ARHGAP21: variants seen among roughly 807,000 people sequenced by gnomAD.
ARHGAP21 encodes the protein rho GTPase-activating protein 21.
Under a neutral mutation model 164.6 loss-of-function variants are expected in ARHGAP21, and 38 were observed. That is an observed-to-expected ratio of 0.23 (90% CI 0.18 to 0.30). The LOEUF is 0.30. Ranked by LOEUF, ARHGAP21 falls within the 10% of genes least tolerant of loss-of-function variation. ARHGAP21 has a pLI of 1.00. For synonymous variants in ARHGAP21, 766 were observed against 857.9 expected, an observed-to-expected ratio of 0.89 and a Z score of 1.87; for missense variants, 1,822 against 2,370.7, an observed-to-expected ratio of 0.77 and a Z score of 4.81.
At chr10:24,703,387 T>G (rs1018056216) in intron 2 of ARHGAP21, among the ~76,000 whole-genome samples, 1 of 152,176 alleles carries the variant, frequency 6.6e-6, no homozygotes, top group African/African-American at 2.4e-5. Flanking sequence ...ACGCCAGCAC[T>G]ATGTTAAATG....
chr10:24,673,078 A>G (rs563179498), intron 2 of ARHGAP21, among the ~76,000 whole-genome samples: 1 of 152,374 alleles, frequency 6.6e-6, no homozygotes, highest in African/African-American at 2.4e-5. Context: ...TACCATGTTC[A>G]TGATTTAGAA....
intron 4 of ARHGAP21, among the ~76,000 whole-genome samples, chr10:24,656,230 G>A (rs1370987144): frequency 4.7e-5 from 6 of 126,884 alleles, no homozygotes; most frequent in East Asian, 2.5e-4. Context: ...TCATCCCCCC[G>A]CCCGGCCAGC....
chr10:24,670,309 A>C lies in ARHGAP21; in HGVS notation c.152T>G (p.Val51Gly). The change falls in exon 3 of 26, where the codon GTT becomes GGT. Residue 51 changes from valine (V) to glycine (G), a missense_variant. By Grantham distance (109) the Val-to-Gly change is moderately radical. Coordinates refer to ENST00000396432, the MANE Select transcript of ARHGAP21 (RefSeq NM_020824.4). ...ETFSWPGPKT[V>G]TLKRTSQGFG... is the part of the protein sequence containing the mutation. ...GCCTTGAGATGTTCTTTTCAACGTA[A>C]CTGTTTTGGGACCTGGCCAGGAGAA... The C allele has an allele frequency of 6.2e-7, 1 of 1,610,516 alleles. No homozygotes were observed. The highest frequency in any genetic ancestry group is 8.5e-7 in the Non-Finnish European group (1 of 1,177,930).
chr10:24,695,734 C>T (rs1843120158), intron 2 of ARHGAP21, among the ~76,000 whole-genome samples: 2 of 152,058 alleles, frequency 1.3e-5, no homozygotes, highest in African/African-American at 4.8e-5. Context: ...TGGAGAGACC[C>T]ATATGTCAAG....
chr10:24,597,136 A>T (rs1410298518), intron 16 of ARHGAP21, among the ~76,000 whole-genome samples: 1 of 151,726 alleles, frequency 6.6e-6, no homozygotes, highest in African/African-American at 2.4e-5. Flanking sequence ...TTATAGTGAG[A>T]CTTCAACAAA....
intron 4 of ARHGAP21, among the ~76,000 whole-genome samples, chr10:24,665,702 C>T (rs1325152626): frequency 6.6e-6 from 1 of 152,150 alleles, no homozygotes. Context: ...GTTATACAGT[C>T]ATCAAAACTT....
chr10:24,677,392 A>G (rs978704292), intron 2 of ARHGAP21, among the ~76,000 whole-genome samples: 2 of 152,226 alleles, frequency 1.3e-5, no homozygotes, highest in Non-Finnish European at 2.9e-5. Context: ...ATTGGAAAAA[A>G]CTGGGCTAGC....
chr10:24,598,866 A>C (rs905547326), intron 14 of ARHGAP21, among the ~76,000 whole-genome samples: 1 of 152,232 alleles, frequency 6.6e-6, no homozygotes, highest in Non-Finnish European at 1.5e-5. Context: ...CCTGATGCTT[A>C]AGTCACTGTG....
intron 9 of ARHGAP21, among the ~76,000 whole-genome samples, chr10:24,614,394 C>T (rs1390973162): frequency 6.6e-6 from 1 of 152,066 alleles, no homozygotes; most frequent in East Asian, 1.9e-4. Context: ...ATAAACCAGG[C>T]ATTTGTTAGG....
intron 6 of ARHGAP21, among the ~76,000 whole-genome samples, chr10:24,633,047 C>A (rs1001461394): frequency 3.9e-5 from 6 of 152,112 alleles, no homozygotes; most frequent in African/African-American, 7.2e-5. Flanking sequence ...AAGTAACATA[C>A]CCCTGTAAGA....
rs1308639194 is a variant in ARHGAP21, at chr10:24,655,279, T to A, written c.268+11706A>T. 2.6e-5 allele frequency among the ~76,000 whole-genome samples: 4 copies of A among 152,142 alleles called. No individual in the cohort carries two copies. In the East Asian group the frequency reaches 7.7e-4, roughly 29 times the overall value. On this transcript the variant is annotated intron_variant, in intron 4 of 25. Transcript: ENST00000396432. ...GGCAAAATTGACAAATGGGATCTAA[T>A]TAAACTAAAGAGCTTCTGCACATCA... is the stretch of plus-strand genomic sequence containing the variant.
intron 14 of ARHGAP21, among the ~76,000 whole-genome samples, chr10:24,600,147 A>AAAAAAAAAAAG (rs1328045338): frequency 4.6e-5 from 7 of 151,860 alleles, no homozygotes; most frequent in Non-Finnish European, 8.8e-5. Context: ...AAAAAAAAAA[A>AAAAAAAAAAAG]AAAGCTGACT....
At chr10:24,588,926 G>A (rs1467654704) in intron 25 of ARHGAP21, among the ~76,000 whole-genome samples, 2 of 152,110 alleles carry the variant, frequency 1.3e-5, no homozygotes, top group African/African-American at 4.8e-5. Flanking sequence ...GGAGTCGGCC[G>A]AGTGCTGATA....
rs772723167 is a variant in ARHGAP21, at chr10:24,585,326, G to A, written c.4963C>T (p.Arg1655Ter). Residue 1655 changes from arginine (R) to a stop codon, truncating the protein, a stop_gained, in exon 26 of 26, where the codon CGA (arginine) becomes TGA (stop). Coordinates refer to ENST00000396432, the MANE Select transcript of ARHGAP21 (RefSeq NM_020824.4). LOFTEE classifies it low-confidence loss of function (END_TRUNC). ...TTAGTCACTTCTTGCAGTTTTCCTC[G>A]GAAAAGCCTCTCTGAAGTCAAGGCT... is the stretch of plus-strand genomic sequence containing the variant. The part of the protein sequence containing the change: ...PTALTSERLF[R>*]GKLQEVTKSS... 4 of 1,612,526 alleles carry A rather than the reference G, an allele frequency of 2.5e-6. No individual in the cohort carries two copies. Among genetic ancestry groups the A allele is most frequent in the African/African-American group, 2.7e-5 (2 of 74,866 alleles).
intron 2 of ARHGAP21, among the ~76,000 whole-genome samples, chr10:24,704,589 C>T (rs1475764268): frequency 6.6e-6 from 1 of 152,022 alleles, no homozygotes; most frequent in East Asian, 1.9e-4. Flanking sequence ...CTCAGCCTCC[C>T]AAGCAGCTGG....
In ARHGAP21 at chr10:24,621,744, G is replaced by C. The variant is rs983035511; in HGVS notation, c.526-375C>G. ...TGCCAAATAAATCCCAGCAAAGGAA[G>C]ATTCATGTATTTTGCCAGAGAAAAG... On this transcript the variant is annotated intron_variant, in intron 8 of 25. Transcript: ENST00000396432. Among the ~76,000 whole-genome samples the C allele has an allele frequency of 2.6e-5, 4 of 152,290 alleles. No homozygotes were observed. The East Asian group carries it at 7.7e-4, about 29-fold the overall frequency.
Position 24,585,213 on chromosome 10 carries a change from G to C in ARHGAP21, c.5076C>G (p.Phe1692Leu). ...TSSLDSRRQL[F>L]SSHKLIECDT... The stretch of plus-strand genomic sequence containing the variant: ...CACATTCGATGAGTTTATGGGAACT[G>C]AAGAGCTGTCTCCGGCTATCTAAAC... Residue 1692 changes from phenylalanine to leucine, a missense_variant, in exon 26 of 26, where the codon TTC becomes TTG. Physicochemically the swap from Phe to Leu is conservative, Grantham distance 22. This residue lies in a region of ARHGAP21 where 117 missense variants were observed against 193.2 expected (regional missense o/e 0.61). Coordinates refer to ENST00000396432, the MANE Select transcript of ARHGAP21 (RefSeq NM_020824.4). The C allele has an allele frequency of 6.2e-7, 1 of 1,605,460 alleles. No homozygotes were observed. Among genetic ancestry groups the C allele is most frequent in the Non-Finnish European group, 8.5e-7 (1 of 1,177,224 alleles).
At chr10:24,658,233 T>A (rs542054678) in intron 4 of ARHGAP21, among the ~76,000 whole-genome samples, 5 of 152,290 alleles carry the variant, frequency 3.3e-5, no homozygotes, top group African/African-American at 1.2e-4. Context: ...GGTGGGATTG[T>A]AAACTAGTTC....
At chr10:24,588,589 T>C (rs2076203272) in intron 25 of ARHGAP21, among the ~76,000 whole-genome samples, 1 of 152,182 alleles carries the variant, frequency 6.6e-6, no homozygotes, top group Non-Finnish European at 1.5e-5. Context: ...CATTACAAAA[T>C]ATAACAATGT....
Sources: allele counts gnomAD v4.1 joint callset (sites outside exome capture counted in the v4.1 genomes callset), GRCh38; gene constraint gnomAD v4.1.1; regional missense constraint gnomAD v4.1.1; transcripts MANE v1.5; gene names NCBI Gene and HGNC (gene_info 2026-07-23, HGNC 2026-07-21).